FAM83B: variants seen among roughly 807,000 people sequenced by gnomAD.
FAM83B encodes protein FAM83B.
FAM83B carries 26 observed loss-of-function variants against 38.8 expected under a neutral mutation model. The observed-to-expected ratio is 0.67, with a 90% CI of 0.49 to 0.93. FAM83B has a LOEUF of 0.93. Among genes scored for constraint, FAM83B ranks in the 40% least tolerant of loss-of-function variants. The pLI is 0.00. For synonymous variants in FAM83B, 419 were observed against 423.1 expected (o/e 0.99, Z 0.12); for missense variants, 1,237 against 1,197.3 (o/e 1.03, Z -0.49).
chr6:54,938,898 C>A (rs972095067), intron 4 of FAM83B, among the ~76,000 whole-genome samples: 1 of 151,988 alleles, frequency 6.6e-6, no homozygotes, highest in Non-Finnish European at 1.5e-5. Flanking sequence ...GTTTTTGTTG[C>A]ATTTGTTTTG....
At chr6:54,901,675 T>C (rs781101227) in intron 2 of FAM83B, among the ~76,000 whole-genome samples, 4 of 152,220 alleles carry the variant, frequency 2.6e-5, no homozygotes, top group Non-Finnish European at 5.9e-5. Context: ...GTTGAAGTTA[T>C]GCGGTCAAGG....
chr6:54,890,829 T>C (rs1411664403), intron 2 of FAM83B, among the ~76,000 whole-genome samples: 2 of 152,114 alleles, frequency 1.3e-5, no homozygotes, highest in Admixed American at 1.3e-4. Context: ...CTTTTTGTTC[T>C]CTTTCCCTCA....
At chr6:54,859,041 T>TC (rs767846291) in intron 1 of FAM83B, among the ~76,000 whole-genome samples, 108 of 151,828 alleles carry the variant, frequency 7.1e-4, no homozygotes, top group Non-Finnish European at 1.3e-3. Context: ...TTATAATTCC[T>TC]CCCCCGACAC....
intron 1 of FAM83B, among the ~76,000 whole-genome samples, chr6:54,859,731 T>C (rs1019295423): frequency 6.6e-6 from 1 of 152,204 alleles, no homozygotes; most frequent in African/African-American, 2.4e-5. Flanking sequence ...TTTTAATTTT[T>C]TTCCTTTATG....
At chr6:54,896,780 T>C (rs1320982138) in intron 2 of FAM83B, among the ~76,000 whole-genome samples, 1 of 152,206 alleles carries the variant, frequency 6.6e-6, no homozygotes, top group African/African-American at 2.4e-5. Context: ...AATAGTATTT[T>C]CCATTTAAAG....
intron 2 of FAM83B, among the ~76,000 whole-genome samples, chr6:54,911,282 C>G (rs888311358): frequency 6.7e-6 from 1 of 149,924 alleles, no homozygotes; most frequent in African/African-American, 2.5e-5. Flanking sequence ...CTAAACTTTA[C>G]TTAGGAAGTT....
Position 54,915,119 on chromosome 6 carries a change from T to TA in FAM83B, c.445-11241dup, listed in dbSNP as rs201484145. On this transcript the variant is annotated intron_variant, in intron 2 of 4. Coordinates refer to ENST00000306858, the MANE Select transcript of FAM83B (RefSeq NM_001010872.3). Reference sequence around the variant, plus strand: ...ATAAAAATTCCCGAGTTTCTATAGTTAAAAAAAAAAAGCATAGATAGTTAG... The same window carrying TA: ...ATAAAAATTCCCGAGTTTCTATAGTTAAAAAAAAAAAAGCATAGATAGTTAG... Among the ~76,000 whole-genome samples, 1,201 of 144,690 alleles carry TA rather than the reference T, an allele frequency of 8.3e-3. 14 individuals are homozygous for TA. The highest frequency in any genetic ancestry group is 0.023 in the African/African-American group (922 of 39,692). The allele number at this position is 144,690 out of a possible 152,430, so 94.9% of individuals were successfully genotyped here. A position where few individuals can be genotyped will look rare whatever the true frequency, so the allele number is the denominator to read the frequency against.
At chr6:54,918,613 C>G (rs239803) in intron 2 of FAM83B, among the ~76,000 whole-genome samples, 7,122 of 152,078 alleles carry the variant, frequency 0.047, 215 homozygotes, top group Non-Finnish European at 0.067. Context: ...TTCACTATCA[C>G]AAGAACAGCA....
At chr6:54,881,773 T>A (rs1166076682) in intron 2 of FAM83B, among the ~76,000 whole-genome samples, 2 of 152,310 alleles carry the variant, frequency 1.3e-5, no homozygotes, top group Admixed American at 6.5e-5. Flanking sequence ...TTATTTATTT[T>A]TATTATTTTA....
intron 2 of FAM83B, among the ~76,000 whole-genome samples, chr6:54,906,053 G>GAA (rs61141294): frequency 5.4e-5 from 7 of 128,936 alleles, no homozygotes; most frequent in African/African-American, 1.6e-4. Context: ...CCTACTATTC[G>GAA]AAAAAAAAAA....
At chr6:54,872,134 A>G (rs1042086711) in intron 2 of FAM83B, among the ~76,000 whole-genome samples, 8 of 152,176 alleles carry the variant, frequency 5.3e-5, no homozygotes, top group Non-Finnish European at 1.2e-4. Flanking sequence ...AGCTGTATTA[A>G]TTCCTTTAAC....
intron 1 of FAM83B, among the ~76,000 whole-genome samples, chr6:54,851,016 C>A (rs1385416240): frequency 5.0e-4 from 42 of 83,522 alleles, no homozygotes; most frequent in East Asian, 8.1e-4. Context: ...AGACTCATCT[C>A]AAAAAAAAAA....
chr6:54,896,571 A>T (rs546063214), intron 2 of FAM83B, among the ~76,000 whole-genome samples: 18 of 152,358 alleles, frequency 1.2e-4, no homozygotes, highest in African/African-American at 3.6e-4. Context: ...CTAAAAGGAA[A>T]ACAAGAAAGA....
intron 1 of FAM83B, among the ~76,000 whole-genome samples, chr6:54,866,815 G>C (rs925281101): frequency 2.0e-5 from 3 of 152,118 alleles, no homozygotes; most frequent in Non-Finnish European, 2.9e-5. Context: ...TTAGTTGCAT[G>C]TGTCATTTTA....
chr6:54,923,765 C>G (rs1773222391), intron 2 of FAM83B, among the ~76,000 whole-genome samples: 1 of 152,006 alleles, frequency 6.6e-6, no homozygotes, highest in East Asian at 1.9e-4. Context: ...GCTGTCTCCC[C>G]CAGCAGCATC....
At chr6:54,913,893 C>G (rs1772973482) in intron 2 of FAM83B, among the ~76,000 whole-genome samples, 1 of 142,482 alleles carries the variant, frequency 7.0e-6, no homozygotes, top group African/African-American at 2.6e-5. Flanking sequence ...ATGTGATTGT[C>G]TTTTTTTTTT....
intron 2 of FAM83B, among the ~76,000 whole-genome samples, chr6:54,888,939 T>G (rs1772341613): frequency 6.6e-6 from 1 of 152,084 alleles, no homozygotes; most frequent in Non-Finnish European, 1.5e-5. Flanking sequence ...CTCTCATTCA[T>G]TTTTGTGTTT....
At chr6:54,850,320 A>G (rs190044569) in intron 1 of FAM83B, among the ~76,000 whole-genome samples, 2 of 152,298 alleles carry the variant, frequency 1.3e-5, no homozygotes, top group South Asian at 2.1e-4. Flanking sequence ...GGTTTAGACT[A>G]TGTGGTCACT....
chr6:54,865,139 A>G (rs1771669299), intron 1 of FAM83B, among the ~76,000 whole-genome samples: 1 of 152,172 alleles, frequency 6.6e-6, no homozygotes, highest in Non-Finnish European at 1.5e-5. Flanking sequence ...TACCAAAAAT[A>G]TTGGCTTAAA....
Sources: gnomAD v4.1 joint callset for allele counts (sites outside exome capture counted in the v4.1 genomes callset) on GRCh38, gnomAD v4.1.1 for gene constraint, MANE v1.5 for transcripts, NCBI Gene and HGNC (gene_info 2026-07-23, HGNC 2026-07-21) for gene names.